The following GRAMD1B variants were observed in gnomAD, a reference collection of about 807,000 sequenced individuals.
The protein encoded by GRAMD1B is protein Aster-B.
GRAMD1B carries 37 observed loss-of-function variants against 99.7 expected under a neutral mutation model. That is an observed-to-expected ratio of 0.37 (90% CI 0.29 to 0.49). GRAMD1B has a LOEUF of 0.49. Ranked by LOEUF, GRAMD1B falls within the 20% of genes least tolerant of loss-of-function variation. The pLI, the probability that GRAMD1B is intolerant of heterozygous loss-of-function variation, is 0.98. For missense variants in GRAMD1B, 888 were observed against 1,009.2 expected (o/e 0.88, Z 1.63); for synonymous variants, 427 against 387.6 (o/e 1.10, Z -1.19).
chr11:123,548,364 GTACA>G (rs1945285368), intron 2 of GRAMD1B, among the ~76,000 whole-genome samples: 1 of 50,698 alleles, frequency 2.0e-5, no homozygotes, highest in Non-Finnish European at 3.7e-5. Context: ...ATATATATAT[GTACA>G]CACACACACA....
At chr11:123,385,960 C>T (rs772049012) in intron 1 of GRAMD1B, among the ~76,000 whole-genome samples, 5 of 152,112 alleles carry the variant, frequency 3.3e-5, no homozygotes, top group African/African-American at 9.7e-5. Context: ...AAAGGAGGGA[C>T]GGGAAAATAC....
chr11:123,456,516 T>C (rs1240809504), intron 1 of GRAMD1B, among the ~76,000 whole-genome samples: 1 of 152,190 alleles, frequency 6.6e-6, no homozygotes, highest in Non-Finnish European at 1.5e-5. Flanking sequence ...GGCGCATGCC[T>C]ATAATCCCAG....
Position 123,530,083 on chromosome 11 carries a change from G to A in GRAMD1B, c.453-47284G>A, listed in dbSNP as rs188321461. Among the ~76,000 whole-genome samples the A allele has an allele frequency of 8.5e-5, 13 of 152,264 alleles. No homozygotes were observed. The East Asian group carries it at 2.3e-3, about 27-fold the overall frequency. On this transcript the variant is annotated intron_variant, in intron 2 of 19. Transcript: ENST00000635736. ...AGTCCTCAGATGAGGGGAGTTTCGAGTTTCTCCATGTTCGAGTGGGTGAGT... is the reference window on the plus strand; with the variant it reads ...AGTCCTCAGATGAGGGGAGTTTCGAATTTCTCCATGTTCGAGTGGGTGAGT...
chr11:123,584,228 GCTGT>G (rs1949791706), intron 3 of GRAMD1B, 80 bp from the exon 4 acceptor site: 3 of 718,842 alleles, frequency 4.2e-6, no homozygotes, highest in Non-Finnish European at 7.3e-6. Flanking sequence ...CCCACCCTCC[GCTGT>G]CTGTGTGCCC....
At chr11:123,466,300 A>AAG (rs1353300263) in intron 1 of GRAMD1B, among the ~76,000 whole-genome samples, 5 of 138,954 alleles carry the variant, frequency 3.6e-5, no homozygotes, top group African/African-American at 5.6e-5. Context: ...AAAAGAAAGA[A>AAG]AGAGAGAGAG....
chr11:123,457,325 CTCTAAACCACGTTTGT>C (rs1950205596), intron 1 of GRAMD1B, among the ~76,000 whole-genome samples: 1 of 152,132 alleles, frequency 6.6e-6, no homozygotes, highest in African/African-American at 2.4e-5. Context: ...TGTTAGCTGC[CTCTAAACCACGTTTGT>C]TCTTAGACTG....
At chr11:123,497,968 CT>C (rs1397727515) in intron 2 of GRAMD1B, among the ~76,000 whole-genome samples, 1 of 151,806 alleles carries the variant, frequency 6.6e-6, no homozygotes, top group African/African-American at 2.4e-5. Context: ...GTTCTTCCCA[CT>C]CTTCCCTCCC....
intron 1 of GRAMD1B, among the ~76,000 whole-genome samples, chr11:123,412,868 A>G (rs1311208161): frequency 1.3e-5 from 2 of 151,908 alleles, no homozygotes; most frequent in African/African-American, 4.8e-5. Context: ...TGCAACGTCT[A>G]CCTCCTGGGT....
At chr11:123,418,207 C>T (rs952443492) in intron 1 of GRAMD1B, among the ~76,000 whole-genome samples, 5 of 152,158 alleles carry the variant, frequency 3.3e-5, no homozygotes, top group Non-Finnish European at 7.3e-5. Context: ...TGCAGACATC[C>T]TTCAAACGGA....
intron 1 of GRAMD1B, among the ~76,000 whole-genome samples, chr11:123,424,870 C>T (rs1368233955): frequency 6.6e-6 from 1 of 152,182 alleles, no homozygotes; most frequent in Non-Finnish European, 1.5e-5. Context: ...CAAGGACTTC[C>T]TGAACAAGGA....
chr11:123,608,482 C>T (rs146768733), intron 11 of GRAMD1B, 177 bp from the exon 12 acceptor site: 371 of 1,522,786 alleles, frequency 2.4e-4, no homozygotes, highest in Non-Finnish European at 3.1e-4. Flanking sequence ...AGAAAGAGAC[C>T]GAAAGCAAAG....
intron 2 of GRAMD1B, among the ~76,000 whole-genome samples, chr11:123,553,816 G>T (rs1184175730): frequency 6.6e-6 from 1 of 152,126 alleles, no homozygotes; most frequent in Non-Finnish European, 1.5e-5. Flanking sequence ...ATTAATTCAG[G>T]AAAGAGTTAT....
At position 123,612,811 on chromosome 11, in the gene GRAMD1B, C is replaced by T. The variant is rs1247803361; in HGVS notation, c.1970C>T (p.Thr657Met). The change falls in exon 15 of 20, where the codon ACG (threonine) becomes ATG (methionine). Residue 657 changes from threonine (T) to methionine (M), a missense_variant. Thr to Met is a moderately conservative substitution (Grantham distance 81). This residue lies in a region of GRAMD1B where 92 missense variants were observed against 156.9 expected (regional missense o/e 0.59). Transcript: ENST00000635736. ...YRKQPWGLVKTFIEKNFWSGL... is the reference protein window; with the variant it reads ...YRKQPWGLVKMFIEKNFWSGL... ...AAACAGCCCTGGGGGTTAGTGAAAACGTTCATCGAGAAGAACTTCTGGAGT... is the reference window on the plus strand; with the variant it reads ...AAACAGCCCTGGGGGTTAGTGAAAATGTTCATCGAGAAGAACTTCTGGAGT... 4 of 1,612,350 alleles carry T rather than the reference C, an allele frequency of 2.5e-6. No homozygotes were observed. Among genetic ancestry groups the T allele is most frequent in the Non-Finnish European group, 1.7e-6 (2 of 1,178,936 alleles).
chr11:123,395,261 A>T (rs1030235688), intron 1 of GRAMD1B, among the ~76,000 whole-genome samples: 1 of 151,962 alleles, frequency 6.6e-6, no homozygotes, highest in African/African-American at 2.4e-5. Context: ...ATACTAAGGA[A>T]AGGCTTCTTT....
chr11:123,421,196 A>G (rs1324052586), intron 1 of GRAMD1B, among the ~76,000 whole-genome samples: 1 of 151,810 alleles, frequency 6.6e-6, no homozygotes, highest in Non-Finnish European at 1.5e-5. Context: ...AAATGCCAGT[A>G]ACCATTCTAT....
At chr11:123,484,054 T>A (rs1238292237) in intron 2 of GRAMD1B, among the ~76,000 whole-genome samples, 2 of 152,124 alleles carry the variant, frequency 1.3e-5, no homozygotes, top group Non-Finnish European at 2.9e-5. Flanking sequence ...TACCCTCCAC[T>A]CTCTGTGCAA....
At chr11:123,542,408 T>C (rs1944626028) in intron 2 of GRAMD1B, among the ~76,000 whole-genome samples, 1 of 152,152 alleles carries the variant, frequency 6.6e-6, no homozygotes, top group South Asian at 2.1e-4. Context: ...AGTCTGAGGG[T>C]TTTGAGAGAC....
At chr11:123,529,739 TC>T (rs1943160013) in intron 2 of GRAMD1B, among the ~76,000 whole-genome samples, 1 of 152,168 alleles carries the variant, frequency 6.6e-6, no homozygotes, top group South Asian at 2.1e-4. Flanking sequence ...GCAAAGATAG[TC>T]CTAATTCCTG....
intron 1 of GRAMD1B, among the ~76,000 whole-genome samples, chr11:123,381,238 C>T (rs181654673): frequency 3.4e-4 from 52 of 152,244 alleles, no homozygotes; most frequent in African/African-American, 1.2e-3. Context: ...ATGGTGGTGA[C>T]GATGGCCCTG....
Sources: gnomAD v4.1 joint callset for allele counts (sites outside exome capture counted in the v4.1 genomes callset) on GRCh38, gnomAD v4.1.1 for gene constraint, gnomAD v4.1.1 regional missense constraint, MANE v1.5 for transcripts, NCBI Gene and HGNC (gene_info 2026-07-23, HGNC 2026-07-21) for gene names.